The following PBX1 variants were observed in gnomAD, a reference collection of about 807,000 sequenced individuals.
PBX1 encodes pre-B-cell leukemia transcription factor 1.
A neutral mutation model predicts 53.4 loss-of-function variants in PBX1; 6 were observed. The ratio of observed to expected loss-of-function variants is 0.11; its 90% CI spans 0.06 to 0.22. The LOEUF is 0.22. Ranked by LOEUF, PBX1 falls within the 10% of genes least tolerant of loss-of-function variation. The probability of loss-of-function intolerance (pLI) is 1.00; values close to 1 mark genes in which losing one functional copy is unlikely to be tolerated. For missense variants in PBX1, 251 were observed against 551.4 expected, an observed-to-expected ratio of 0.46 and a Z score of 5.46; for synonymous variants, 204 against 212.3, an observed-to-expected ratio of 0.96 and a Z score of 0.34.
In PBX1 at chr1:164,559,775, G is replaced by A; in HGVS notation, c.-48G>A. ...AGCCTTGGTGCTTCCCAGGAGCCGA[G>A]CCGAGGAGCAGAAGAGGAAGAGCCG... On this transcript the variant is annotated 5_prime_UTR_variant, in exon 1 of 9. Transcript: ENST00000420696. The A allele has an allele frequency of 6.9e-7, 1 of 1,456,378 alleles. No homozygotes were observed. The highest frequency in any genetic ancestry group is 9.2e-7 in the Non-Finnish European group (1 of 1,082,934). The allele number at this position is 1,456,378 out of a possible 1,614,324, so 90.2% of individuals were successfully genotyped here. A position where few individuals can be genotyped will look rare whatever the true frequency, so the allele number is the denominator to read the frequency against.
At chr1:164,853,136 A>G (rs778226386), downstream of PBX1, among the ~76,000 whole-genome samples, 1 of 152,218 alleles carries the variant, frequency 6.6e-6, no homozygotes, top group Non-Finnish European at 1.5e-5. Flanking sequence ...TCTGTGGCTC[A>G]TCCATCCTCC....
intron 2 of PBX1, among the ~76,000 whole-genome samples, chr1:164,776,817 T>A (rs1261675991): frequency 6.6e-6 from 1 of 152,130 alleles, no homozygotes; most frequent in Non-Finnish European, 1.5e-5. Context: ...TACTTGTCAT[T>A]GTACATATGG....
chr1:164,590,246 A>G, intron 2 of PBX1: 1 of 418,004 alleles, frequency 2.4e-6, no homozygotes, highest in Non-Finnish European at 4.8e-6. Flanking sequence ...GGGAGCAGAT[A>G]GAAGAAATAC....
rs936491553 is a variant in PBX1 at position 164,618,307 on chromosome 1, G to C, written c.265+54996G>C. Among the ~76,000 whole-genome samples the C allele has an allele frequency of 8.4e-4, 123 of 146,856 alleles. 3 individuals carry two copies. The East Asian group carries it at 0.021, about 25-fold the overall frequency. On this transcript the variant is annotated intron_variant, in intron 2 of 8. Transcript: ENST00000420696. ...GGAGAATAATCACGGCGGGGGGGGG[G>C]GGGCACTCAAGATGATCAGCACTAG... is the stretch of plus-strand genomic sequence containing the variant.
At chr1:164,626,888 T>C (rs557422990) in intron 2 of PBX1, among the ~76,000 whole-genome samples, 85 of 152,328 alleles carry the variant, frequency 5.6e-4, no homozygotes, top group African/African-American at 1.9e-3. Context: ...GGGGAATCTT[T>C]ACAGTTGGTG....
At chr1:164,647,714 T>C (rs1343387619) in intron 2 of PBX1, among the ~76,000 whole-genome samples, 1 of 152,132 alleles carries the variant, frequency 6.6e-6, no homozygotes, top group African/African-American at 2.4e-5. Flanking sequence ...CTGGGGAACT[T>C]TTAAAAAATA....
chr1:164,634,316 GC>G (rs1349350493), intron 2 of PBX1, among the ~76,000 whole-genome samples: 7 of 152,118 alleles, frequency 4.6e-5, no homozygotes, highest in African/African-American at 1.7e-4. Flanking sequence ...GCCCTGCCTG[GC>G]CCCACACCAG....
intron 2 of PBX1, among the ~76,000 whole-genome samples, chr1:164,876,782 T>C (rs763439071): frequency 1.1e-4 from 16 of 152,120 alleles, no homozygotes; most frequent in Non-Finnish European, 2.2e-4. Flanking sequence ...CTCCAGGGAA[T>C]GAGAGAAAGC....
chr1:164,826,439 C>T (rs1209497288), intron 8 of PBX1, among the ~76,000 whole-genome samples: 3 of 152,092 alleles, frequency 2.0e-5, no homozygotes, highest in African/African-American at 7.2e-5. Context: ...GAGTCTCGCT[C>T]TGTCACCCAG....
rs1052397537 is a variant in PBX1, at chr1:164,841,268, T to C, written c.1201-5316T>C. On this transcript the variant is annotated intron_variant, in intron 8 of 8. Coordinates refer to ENST00000420696, the MANE Select transcript of PBX1 (RefSeq NM_002585.4). The stretch of plus-strand genomic sequence containing the variant: ...TGTGAGTGAGATGTAATTGGAGGAG[T>C]GAGGGCACGGCATTCAAGGGGAAAG... 4.6e-5 allele frequency among the ~76,000 whole-genome samples: 7 copies of C among 151,910 alleles called. No homozygotes were observed. The South Asian group carries it at 6.3e-4, about 14-fold the overall frequency.
intron 2 of PBX1, among the ~76,000 whole-genome samples, chr1:164,645,104 C>T (rs1047903116): frequency 3.3e-5 from 5 of 152,136 alleles, no homozygotes; most frequent in African/African-American, 9.7e-5. Context: ...AGGACTCTAT[C>T]GATTTCTTTC....
intron 2 of PBX1, among the ~76,000 whole-genome samples, chr1:164,875,459 T>C (rs551506552): frequency 7.6e-4 from 116 of 152,186 alleles, no homozygotes; most frequent in African/African-American, 2.8e-3. Context: ...TGTGCCACCA[T>C]GCCCAGCTAA....
rs571544478 is a variant in PBX1, at chr1:164,884,013, T to G, written n.258-15175T>G. ...ATAAACAAGGGGAAGGGGAAAACCA[T>G]TGGTCAAATTACGAGCATGCAGATT... On this transcript the variant is annotated intron_variant and non_coding_transcript_variant, in intron 2 of 2. Coordinates refer to the PBX1 transcript ENST00000558796. Among the ~76,000 whole-genome samples the G allele has an allele frequency of 2.1e-3, 326 of 152,266 alleles. 1 individual carries two copies. The Middle Eastern group carries it at 0.024, about 11-fold the overall frequency.
Position 164,847,356 on chromosome 1 carries a change from C to T in PBX1, c.*680C>T. 1 of 1,064,924 alleles carries T rather than the reference C, an allele frequency of 9.4e-7. No homozygotes were observed. Among genetic ancestry groups the T allele is most frequent in the African/African-American group, 1.6e-5 (1 of 61,148 alleles). 66.0% of individuals were successfully genotyped at this position (1,064,924 alleles called of 1,614,324 possible). On this transcript the variant is annotated 3_prime_UTR_variant, in exon 9 of 9. Transcript: ENST00000420696. ...GCCACATTTTTCAGTTTCATCTCCA[C>T]TAGGTTGGTTCCCGGGCAGGAAGTC...
intron 2 of PBX1, chr1:164,641,753 G>T (rs988755238): frequency 6.6e-6 from 1 of 152,202 alleles, no homozygotes; most frequent in Non-Finnish European, 1.5e-5. Flanking sequence ...TGTGAGAAAG[G>T]ATTTTATTGT....
intron 2 of PBX1, among the ~76,000 whole-genome samples, chr1:164,626,492 T>C (rs1658055357): frequency 6.6e-6 from 1 of 152,198 alleles, no homozygotes; most frequent in Admixed American, 6.5e-5. Flanking sequence ...CACATACTTA[T>C]CTAATTTAGG....
intron 2 of PBX1, among the ~76,000 whole-genome samples, chr1:164,716,685 T>TACACACACACACACACAC (rs375539653): frequency 0.023 from 2,697 of 115,736 alleles, 56 homozygotes; most frequent in South Asian, 0.039. Context: ...ATGTCATCTC[T>TACACACACACACACACAC]ACACACACAC....
At chr1:164,817,016 TCTC>T (rs1571462589) in intron 6 of PBX1, 1 of 152,194 alleles carries the variant, frequency 6.6e-6, no homozygotes, top group East Asian at 1.9e-4. Context: ...CAGTATTTCT[TCTC>T]TGCCTAGTTG....
chr1:164,636,499 G>A (rs879042246), intron 2 of PBX1, among the ~76,000 whole-genome samples: 1 of 152,230 alleles, frequency 6.6e-6, no homozygotes, highest in South Asian at 2.1e-4. Flanking sequence ...TTTCACCAGA[G>A]TTGGAACGTG....
Sources: allele counts gnomAD v4.1 joint callset (sites outside exome capture counted in the v4.1 genomes callset), GRCh38; gene constraint gnomAD v4.1.1; transcripts MANE v1.5; gene names NCBI Gene and HGNC (gene_info 2026-07-23, HGNC 2026-07-21).